The following CSMD1 variants were observed in gnomAD, a reference collection of about 807,000 sequenced individuals.
CSMD1 encodes CUB and sushi domain-containing protein 1.
A neutral mutation model predicts 417.5 loss-of-function variants in CSMD1; 213 were observed. The ratio of observed to expected loss-of-function variants is 0.51; its 90% CI spans 0.46 to 0.57. CSMD1 has a LOEUF of 0.57. Ranked by LOEUF, CSMD1 falls within the 20% of genes least tolerant of loss-of-function variation. The pLI is 0.00. For missense variants in CSMD1, 6,923 were observed against 4,529.7 expected (o/e 1.53, Z -15.17); for synonymous variants, 2,862 against 1,736.8 (o/e 1.65, Z -16.11).
chr8:3,214,238 C>CA (rs1797769401), intron 30 of CSMD1, among the ~76,000 whole-genome samples: 1 of 151,928 alleles, frequency 6.6e-6, no homozygotes. Flanking sequence ...CTAGAACACA[C>CA]AAAAACAGAA....
At chr8:3,259,610 C>T (rs1443060955) in intron 26 of CSMD1, among the ~76,000 whole-genome samples, 2 of 152,300 alleles carry the variant, frequency 1.3e-5, no homozygotes, top group Admixed American at 6.5e-5. Context: ...TCTCATTTGA[C>T]ATGACAAATT....
intron 3 of CSMD1, among the ~76,000 whole-genome samples, chr8:4,122,972 G>A (rs560538991): frequency 1.3e-5 from 2 of 152,168 alleles, no homozygotes; most frequent in East Asian, 1.9e-4. Context: ...CTAGACCTAC[G>A]GTGATAATTG....
At chr8:3,912,773 C>T (rs567894251) in intron 5 of CSMD1, among the ~76,000 whole-genome samples, 1 of 152,094 alleles carries the variant, frequency 6.6e-6, no homozygotes, top group Admixed American at 6.5e-5. Flanking sequence ...AGCTCAAGGT[C>T]ACACGAAGGC....
In CSMD1 at chr8:3,730,865, A is replaced by C. The variant is rs575368046; in HGVS notation, c.932-22374T>G. On this transcript the variant is annotated intron_variant, in intron 6 of 69. Coordinates refer to ENST00000635120, the MANE Select transcript of CSMD1 (RefSeq NM_033225.6). Reference sequence around the variant, plus strand: ...TTAGGAAATTATGCTAGAGGTGATAAGAGAGAGTGCTTTTAGCCACTATAA... The same window carrying C: ...TTAGGAAATTATGCTAGAGGTGATACGAGAGAGTGCTTTTAGCCACTATAA... Among the ~76,000 whole-genome samples, 3 of 152,302 alleles carry C rather than the reference A, an allele frequency of 2.0e-5. No individual in the cohort carries two copies. The East Asian group carries it at 5.8e-4, about 29-fold the overall frequency.
At chr8:3,384,946 G>A (rs1340976682) in intron 18 of CSMD1, among the ~76,000 whole-genome samples, 3 of 91,554 alleles carry the variant, frequency 3.3e-5, no homozygotes, top group Admixed American at 1.4e-4. Flanking sequence ...TATAATATAT[G>A]CATATATAAT....
intron 5 of CSMD1, among the ~76,000 whole-genome samples, chr8:3,827,034 G>C (rs1000143855): frequency 1.3e-5 from 2 of 152,034 alleles, no homozygotes; most frequent in African/African-American, 2.4e-5. Context: ...CTCCCATCTT[G>C]GCCTTTTGAA....
At chr8:4,278,943 C>A (rs550920902) in intron 3 of CSMD1, among the ~76,000 whole-genome samples, 1 of 152,264 alleles carries the variant, frequency 6.6e-6, no homozygotes, top group African/African-American at 2.4e-5. Flanking sequence ...ACTTGCCCTT[C>A]CCTGTATTAA....
chr8:4,457,315 A>G (rs1274519978), intron 2 of CSMD1, among the ~76,000 whole-genome samples: 1 of 152,016 alleles, frequency 6.6e-6, no homozygotes, highest in Non-Finnish European at 1.5e-5. Context: ...ACTACTTTTG[A>G]ATTTGTAGAG....
intron 3 of CSMD1, among the ~76,000 whole-genome samples, chr8:4,174,678 C>T (rs1424227890): frequency 2.6e-5 from 3 of 113,676 alleles, no homozygotes; most frequent in Non-Finnish European, 5.5e-5. Context: ...TGCTAACATG[C>T]TCAAAGAAAA....
In CSMD1 at chr8:4,812,233, A is replaced by C. The variant is rs59605030; in HGVS notation, c.86-174675T>G. On this transcript the variant is annotated intron_variant, in intron 1 of 69. Transcript: ENST00000635120. The stretch of plus-strand genomic sequence containing the variant: ...CTACGTCTCTAAGTGAGACACAACC[A>C]GTCGAAGTCTGTATTTCACAGATGA... Among the ~76,000 whole-genome samples, 951 of 152,268 alleles carry C rather than the reference A, an allele frequency of 6.2e-3. 19 individuals are homozygous for C. Among genetic ancestry groups the C allele is most frequent in the East Asian group, 0.049 (251 of 5,164 alleles).
At chr8:4,074,185 T>G (rs984792809) in intron 3 of CSMD1, among the ~76,000 whole-genome samples, 2 of 152,068 alleles carry the variant, frequency 1.3e-5, no homozygotes, top group South Asian at 2.1e-4. Flanking sequence ...TCCAAATTAG[T>G]TAATGTCACT....
intron 2 of CSMD1, among the ~76,000 whole-genome samples, chr8:4,444,868 G>T (rs1485002435): frequency 6.6e-6 from 1 of 152,186 alleles, no homozygotes; most frequent in African/African-American, 2.4e-5. Context: ...TCCTGCTGCA[G>T]CCAAGGTAAT....
chr8:4,541,998 G>C (rs1797408848), intron 2 of CSMD1, among the ~76,000 whole-genome samples: 1 of 152,132 alleles, frequency 6.6e-6, no homozygotes, highest in Non-Finnish European at 1.5e-5. Flanking sequence ...GAAATGCTGT[G>C]AGCCACACTC....
At chr8:3,884,174 G>A (rs902426431) in intron 5 of CSMD1, among the ~76,000 whole-genome samples, 2 of 152,138 alleles carry the variant, frequency 1.3e-5, no homozygotes, top group Non-Finnish European at 2.9e-5. Context: ...GAACTCAGGT[G>A]GCTTTAAATT....
chr8:3,703,436 T>TTTTA (rs1800984449), intron 7 of CSMD1, among the ~76,000 whole-genome samples: 1 of 149,812 alleles, frequency 6.7e-6, no homozygotes, highest in Admixed American at 6.7e-5. Context: ...CTTTCTCCCT[T>TTTTA]TTCATTCATT....
chr8:3,295,740 CA>C (rs1290794046), intron 25 of CSMD1, among the ~76,000 whole-genome samples: 1 of 152,148 alleles, frequency 6.6e-6, no homozygotes, highest in Non-Finnish European at 1.5e-5. Flanking sequence ...TGATTACCGT[CA>C]GACTAAGAGT....
chr8:4,072,447 G>C (rs1042877815), intron 3 of CSMD1, among the ~76,000 whole-genome samples: 4 of 152,130 alleles, frequency 2.6e-5, no homozygotes, highest in Non-Finnish European at 4.4e-5. Context: ...ATTTCTCTGG[G>C]AGATAGACTT....
At chr8:3,435,390 C>T (rs1484239152) in intron 12 of CSMD1, among the ~76,000 whole-genome samples, 1 of 152,164 alleles carries the variant, frequency 6.6e-6, no homozygotes, top group African/African-American at 2.4e-5. Flanking sequence ...CGCCACCTCT[C>T]TGGAGACCTC....
chr8:3,419,075 T>A (rs1003429602), intron 12 of CSMD1, among the ~76,000 whole-genome samples: 2 of 152,230 alleles, frequency 1.3e-5, no homozygotes, highest in Non-Finnish European at 2.9e-5. Context: ...TGCCATTGTT[T>A]AAGGCTGAAA....
Sources: gnomAD v4.1 joint callset for allele counts (sites outside exome capture counted in the v4.1 genomes callset) on GRCh38, gnomAD v4.1.1 for gene constraint, MANE v1.5 for transcripts, NCBI Gene and HGNC (gene_info 2026-07-23, HGNC 2026-07-21) for gene names.